Variants in LIMK2 observed in about 807,000 individuals in gnomAD.
LIMK2 encodes LIM domain kinase 2.
A neutral mutation model predicts 75.7 loss-of-function variants in LIMK2; 35 were observed. That is an observed-to-expected ratio of 0.46 (90% confidence interval 0.35 to 0.61). LIMK2 has a LOEUF of 0.61. Among genes scored for constraint, LIMK2 ranks in the 20% least tolerant of loss-of-function variants. The pLI, the probability that LIMK2 is intolerant of heterozygous loss-of-function variation, is 0.00. For synonymous variants in LIMK2, 301 were observed against 319.2 expected (o/e 0.94, Z 0.61); for missense variants, 623 against 831.0 (o/e 0.75, Z 3.08).
At chr22:31,248,137 T>A (rs1292090765) in intron 2 of LIMK2, among the ~76,000 whole-genome samples, 1 of 151,866 alleles carries the variant, frequency 6.6e-6, no homozygotes, top group African/African-American at 2.4e-5. Flanking sequence ...ATGTTCACAC[T>A]CTATCCTGCC....
chr22:31,266,448 C>T (rs2048896721), intron 8 of LIMK2, among the ~76,000 whole-genome samples: 1 of 152,100 alleles, frequency 6.6e-6, no homozygotes, highest in Non-Finnish European at 1.5e-5. Context: ...AAGGAGCACA[C>T]AGGGGAATGG....
At chr22:31,267,450 T>C (rs1266310194) in intron 9 of LIMK2, among the ~76,000 whole-genome samples, 1 of 152,184 alleles carries the variant, frequency 6.6e-6, no homozygotes, top group Non-Finnish European at 1.5e-5. Flanking sequence ...TCCTTGGGCA[T>C]TTACAGTTTT....
At chr22:31,277,136 AGTGAGG>A in intron 15 of LIMK2, 3 of 1,613,738 alleles carry the variant, frequency 1.9e-6, no homozygotes, top group Non-Finnish European at 2.5e-6. Context: ...CCCCAGAAGA[AGTGAGG>A]GTCCCCGACC....
chr22:31,248,770 G>A (rs2048695921), intron 2 of LIMK2: 1 of 1,614,148 alleles, frequency 6.2e-7, no homozygotes, highest in Non-Finnish European at 8.5e-7. Context: ...ACCTGTTTCG[G>A]TGAGTTGGTC....
intron 2 of LIMK2, among the ~76,000 whole-genome samples, chr22:31,252,052 A>G (rs144962601): frequency 6.6e-6 from 1 of 152,354 alleles, no homozygotes; most frequent in East Asian, 1.9e-4. Flanking sequence ...ATCCACTGCA[A>G]TAATGACTGG....
chr22:31,266,840 C>T, intron 8 of LIMK2, 144 bp from the exon 9 acceptor site: 1 of 655,168 alleles, frequency 1.5e-6, no homozygotes, highest in Non-Finnish European at 2.8e-6. Context: ...CTCCACGCTG[C>T]ATCTTCCACA....
intron 12 of LIMK2, among the ~76,000 whole-genome samples, chr22:31,272,053 TTTTTG>T (rs71202052): frequency 7.9e-5 from 12 of 151,690 alleles, no homozygotes; most frequent in South Asian, 2.1e-4. Context: ...TGTGTCTGTT[TTTTTG>T]TTTTGTTTTG....
chr22:31,272,302 T>C (rs1049010578), intron 12 of LIMK2, among the ~76,000 whole-genome samples: 2 of 151,212 alleles, frequency 1.3e-5, no homozygotes, highest in African/African-American at 4.9e-5. Context: ...CTTGAACTCC[T>C]GACCTCAGGT....
chr22:31,218,506 C>T (rs1219872930), intron 1 of LIMK2, among the ~76,000 whole-genome samples: 1 of 152,132 alleles, frequency 6.6e-6, no homozygotes, highest in African/African-American at 2.4e-5. Context: ...TAGAGAAGCT[C>T]GAAAGCTCTT....
intron 15 of LIMK2, chr22:31,276,718 C>T (rs1187935687): frequency 1.4e-5 from 20 of 1,421,716 alleles, no homozygotes; most frequent in South Asian, 1.5e-5. Context: ...GCGGGGGGCG[C>T]GGCGTTGGCG....
At chr22:31,214,784 T>C (rs1177614525) in intron 1 of LIMK2, among the ~76,000 whole-genome samples, 1 of 151,968 alleles carries the variant, frequency 6.6e-6, no homozygotes, top group Admixed American at 6.5e-5. Context: ...GAGGTCAATA[T>C]GGTTTTTTGA....
chr22:31,231,199 A>G (rs1425360417), intron 2 of LIMK2, among the ~76,000 whole-genome samples: 1 of 152,184 alleles, frequency 6.6e-6, no homozygotes, highest in East Asian at 1.9e-4. Context: ...AAGAGCCCTC[A>G]CCCTGCCTGC....
chr22:31,228,129 C>T (rs2048495613), intron 2 of LIMK2, among the ~76,000 whole-genome samples: 1 of 151,986 alleles, frequency 6.6e-6, no homozygotes, highest in Admixed American at 6.6e-5. Flanking sequence ...GATAAGAGTA[C>T]AGGCAGGCCA....
chr22:31,269,733 C>A (rs1013376358), intron 11 of LIMK2, among the ~76,000 whole-genome samples: 2 of 150,694 alleles, frequency 1.3e-5, no homozygotes, highest in African/African-American at 4.9e-5. Context: ...AAGATCACAC[C>A]ACTGCATTCC....
In LIMK2 at chr22:31,212,416, C is replaced by T; in HGVS notation, c.8C>T (p.Ala3Val). ...TTCCGCGCTCCCGGGACCATGTCCG[C>T]GCTGGCGGGTAAGGAAGGGCTGCTC... MS[A>V]LAGEDVWRCP... Residue 3 changes from alanine (A) to valine (V), a missense_variant, in exon 1 of 16, where the codon GCG becomes GTG. This residue lies in a region of LIMK2 where 514 missense variants were observed against 661.3 expected (regional missense o/e 0.78). Transcript: ENST00000331728. 2.2e-6 allele frequency: 3 copies of T among 1,336,704 alleles called. No homozygotes were observed. The highest frequency in any genetic ancestry group is 2.9e-6 in the Non-Finnish European group (3 of 1,033,368). The allele number at this position is 1,336,704 out of a possible 1,614,324, so 82.8% of individuals were successfully genotyped here. A position where few individuals can be genotyped will look rare whatever the true frequency, so the allele number is the denominator to read the frequency against.
rs1430801333 is a variant in LIMK2, at chr22:31,267,781, A to G, written c.1134A>G (p.Lys378=). The G allele has an allele frequency of 6.3e-6, 10 of 1,592,434 alleles. No homozygotes were observed. Among genetic ancestry groups the G allele is most frequent in the African/African-American group, 1.4e-5 (1 of 73,582 alleles). The stretch of plus-strand genomic sequence containing the variant: ...TTGGCTTCCCCCACCCCCAGGTGAA[A>G]GTGATGCGCAGCCTGGACCACCCCA... ...ETQKTFLTEV[K]VMRSLDHPNV... The change falls in exon 10 of 16, where the codon AAA becomes AAG. Residue 378 remains lysine (K), a synonymous_variant. Transcript: ENST00000331728.
At chr22:31,231,202 C>G (rs2048525284) in intron 2 of LIMK2, among the ~76,000 whole-genome samples, 1 of 152,238 alleles carries the variant, frequency 6.6e-6, no homozygotes, top group South Asian at 2.1e-4. Context: ...AGCCCTCACC[C>G]TGCCTGCCAC....
chr22:31,258,188 A>C (rs1293793341), intron 2 of LIMK2, 103 bp from the exon 3 acceptor site: 2 of 1,261,560 alleles, frequency 1.6e-6, no homozygotes, highest in Non-Finnish European at 2.2e-6. Context: ...CTTTGGATCA[A>C]AGAGGACTGT....
At chr22:31,214,523 G>A (rs1299748729) in intron 1 of LIMK2, among the ~76,000 whole-genome samples, 2 of 151,234 alleles carry the variant, frequency 1.3e-5, no homozygotes, top group Non-Finnish European at 2.9e-5. Flanking sequence ...GCCCACGGTG[G>A]TTTCAAGCCA....
Sources: allele counts gnomAD v4.1 joint callset (sites outside exome capture counted in the v4.1 genomes callset), GRCh38; gene constraint gnomAD v4.1.1; regional missense constraint gnomAD v4.1.1; transcripts MANE v1.5; gene names NCBI Gene and HGNC (gene_info 2026-07-23, HGNC 2026-07-21).